The following SCUBE1 variants were observed in gnomAD, a reference collection of about 807,000 sequenced individuals.
The protein encoded by SCUBE1 is signal peptide, CUB domain and EGF like domain containing 1.
A neutral mutation model predicts 124.4 loss-of-function variants in SCUBE1; 59 were observed. That is an observed-to-expected ratio of 0.47 (90% CI 0.38 to 0.59). SCUBE1 has a LOEUF of 0.59. Ranked by LOEUF, SCUBE1 falls within the 20% of genes least tolerant of loss-of-function variation. The pLI, the probability that SCUBE1 is intolerant of heterozygous loss-of-function variation, is 0.00. For synonymous variants in SCUBE1, 545 were observed against 550.9 expected, an observed-to-expected ratio of 0.99 and a Z score of 0.15; for missense variants, 1,150 against 1,371.2, an observed-to-expected ratio of 0.84 and a Z score of 2.55.
chr22:43,217,928 A>G (rs1358048962), intron 15 of SCUBE1, among the ~76,000 whole-genome samples: 1 of 152,154 alleles, frequency 6.6e-6, no homozygotes, highest in Non-Finnish European at 1.5e-5. Flanking sequence ...CTCCTCCAGG[A>G]AGCTTCCCTG....
intron 7 of SCUBE1, chr22:43,232,122 T>C: frequency 1.9e-6 from 1 of 521,948 alleles, no homozygotes; most frequent in South Asian, 2.3e-5. Context: ...CCCCTGAGAC[T>C]TGGCAAGCCT....
chr22:43,265,686 T>A (rs939274616), intron 4 of SCUBE1, among the ~76,000 whole-genome samples: 13 of 152,202 alleles, frequency 8.5e-5, no homozygotes, highest in Non-Finnish European at 2.9e-5. Context: ...CTGACAATTA[T>A]AAAGGAGCCC....
intron 4 of SCUBE1, among the ~76,000 whole-genome samples, chr22:43,286,600 C>T (rs116730522): frequency 0.018 from 2,791 of 152,352 alleles, 95 homozygotes; most frequent in African/African-American, 0.065. Flanking sequence ...AACGTCTCTG[C>T]TGCTCAGATG....
At chr22:43,270,675 G>A (rs1242228780) in intron 4 of SCUBE1, 2 of 152,272 alleles carry the variant, frequency 1.3e-5, no homozygotes, top group African/African-American at 4.8e-5. Context: ...TCAGAGAAGT[G>A]GAGCGATTTG....
intron 3 of SCUBE1, among the ~76,000 whole-genome samples, chr22:43,296,970 G>A (rs1925585171): frequency 6.6e-6 from 1 of 152,232 alleles, no homozygotes; most frequent in Non-Finnish European, 1.5e-5. Context: ...CCTTCAGCCC[G>A]CAGAGCTGGG....
intron 6 of SCUBE1, among the ~76,000 whole-genome samples, chr22:43,241,073 G>A (rs957280719): frequency 2.2e-4 from 33 of 152,244 alleles, no homozygotes; most frequent in African/African-American, 7.7e-4. Context: ...AGACAGACCC[G>A]GCCAAACAGA....
intron 3 of SCUBE1, chr22:43,316,741 AG>A (rs1926361295): frequency 6.6e-6 from 1 of 152,302 alleles, no homozygotes; most frequent in Non-Finnish European, 1.5e-5. Flanking sequence ...ACCCCTAGGG[AG>A]TTAGCCCCGC....
At position 43,343,104 on chromosome 22, in the gene SCUBE1, C is replaced by T. The variant is rs191941574; in HGVS notation, c.88+70G>A. ...AGCTCGGGATCCGCGGGGAAGAAGC[C>T]CTCCGGGACCGCGCCTCGGCCGCCC... On this transcript the variant is annotated intron_variant, in intron 1 of 21. Coordinates refer to ENST00000360835, the MANE Select transcript of SCUBE1 (RefSeq NM_173050.5). 5,336 of 750,534 alleles carry T rather than the reference C, an allele frequency of 7.1e-3. 252 individuals are homozygous for T. In the African/African-American group the frequency reaches 0.094, roughly 13 times the overall value. 46.5% of individuals were successfully genotyped at this position (750,534 alleles called of 1,614,324 possible). A position where few individuals can be genotyped will look rare whatever the true frequency, so the allele number is the denominator to read the frequency against.
At chr22:43,337,286 A>T (rs1173478718) in intron 2 of SCUBE1, among the ~76,000 whole-genome samples, 1 of 152,168 alleles carries the variant, frequency 6.6e-6, no homozygotes, top group East Asian at 1.9e-4. Context: ...TTAGGGAAAC[A>T]GGTAAGGCCT....
At chr22:43,264,698 C>G (rs967508631) in intron 4 of SCUBE1, among the ~76,000 whole-genome samples, 2 of 152,242 alleles carry the variant, frequency 1.3e-5, no homozygotes, top group African/African-American at 4.8e-5. Flanking sequence ...CCCTGCTGTT[C>G]CAGCTTCTTC....
intron 10 of SCUBE1, among the ~76,000 whole-genome samples, chr22:43,225,086 C>T (rs1174270183): frequency 1.3e-5 from 2 of 152,116 alleles, no homozygotes; most frequent in Non-Finnish European, 2.9e-5. Flanking sequence ...ATAGCTTCTG[C>T]CACTGGTATA....
chr22:43,340,358 C>T (rs568959196), intron 1 of SCUBE1, among the ~76,000 whole-genome samples: 26 of 152,260 alleles, frequency 1.7e-4, no homozygotes, highest in African/African-American at 6.3e-4. Context: ...CCGACACTCT[C>T]TACCTCCTGC....
intron 21 of SCUBE1, among the ~76,000 whole-genome samples, chr22:43,204,685 C>A (rs1211004279): frequency 2.0e-5 from 3 of 152,018 alleles, no homozygotes; most frequent in African/African-American, 7.2e-5. Flanking sequence ...TGGCTCACAC[C>A]TGTAATCCCA....
intron 16 of SCUBE1, among the ~76,000 whole-genome samples, chr22:43,213,821 G>T (rs1049628028): frequency 2.0e-5 from 3 of 148,726 alleles, no homozygotes; most frequent in African/African-American, 7.8e-5. Flanking sequence ...AGGGCACAAT[G>T]CAATTCTGAG....
In SCUBE1 at chr22:43,211,146, G is replaced by A; in HGVS notation, c.2222-63C>T. 2.7e-6 allele frequency: 4 copies of A among 1,503,348 alleles called. No individual in the cohort carries two copies. In the South Asian group the frequency reaches 3.6e-5, roughly 13 times the overall value. The allele number at this position is 1,503,348 out of a possible 1,614,324, so 93.1% of individuals were successfully genotyped here. A position where few individuals can be genotyped will look rare whatever the true frequency, so the allele number is the denominator to read the frequency against. Reference sequence around the variant, plus strand: ...GGGTGCAGGGAAAGGGCAGCACTGGGGTGCTGTCCCCAGGACCTCTCATGC... The same window carrying A: ...GGGTGCAGGGAAAGGGCAGCACTGGAGTGCTGTCCCCAGGACCTCTCATGC... On this transcript the variant is annotated intron_variant, in intron 17 of 21. Transcript: ENST00000360835. This position sits in a 1 kb window ranked among gnomAD's most constrained non-coding sequence, Gnocchi z 4.5.
chr22:43,291,061 T>G lies in SCUBE1; in HGVS notation c.469A>C (p.Ile157Leu). ...FFLSDNQHTCIHRSNEGMNCM... is the reference protein window; with the variant it reads ...FFLSDNQHTCLHRSNEGMNCM... ...CTGTACTCACCATTGGAGCGGTGGA[T>G]GCAGGTATGCTGGTTGTCACTAAGG... The change falls in exon 4 of 22, where the codon ATC becomes CTC. Residue 157 changes from isoleucine to leucine, a missense_variant. By Grantham distance (5) the Ile-to-Leu change is conservative. This residue lies in a region of SCUBE1 where 337 missense variants were observed against 482.1 expected (regional missense o/e 0.70). Transcript: ENST00000360835. The G allele has an allele frequency of 6.2e-7, 1 of 1,610,704 alleles. No homozygotes were observed. The highest frequency in any genetic ancestry group is 8.5e-7 in the Non-Finnish European group (1 of 1,177,994).
chr22:43,243,157 C>T (rs1307983375), intron 6 of SCUBE1, among the ~76,000 whole-genome samples: 3 of 152,200 alleles, frequency 2.0e-5, no homozygotes, highest in Non-Finnish European at 2.9e-5. Flanking sequence ...TGGGAGGAGC[C>T]AGTATTTGAA....
intron 6 of SCUBE1, among the ~76,000 whole-genome samples, chr22:43,247,794 T>C (rs1232189622): frequency 6.6e-6 from 1 of 152,254 alleles, no homozygotes; most frequent in African/African-American, 2.4e-5. Context: ...GGCCTGTTTT[T>C]ACACTTGGGC....
chr22:43,254,703 AC>A (rs1406386054), intron 6 of SCUBE1, among the ~76,000 whole-genome samples: 3 of 152,138 alleles, frequency 2.0e-5, no homozygotes, highest in East Asian at 1.9e-4. Context: ...GGTCGTGACA[AC>A]CCTAGGCGAC....
Sources: gnomAD v4.1 joint callset for allele counts (sites outside exome capture counted in the v4.1 genomes callset) on GRCh38, gnomAD v4.1.1 for gene constraint, gnomAD v4.1.1 regional missense constraint, Gnocchi (gnomAD v3.1) non-coding constraint, MANE v1.5 for transcripts, NCBI Gene and HGNC (gene_info 2026-07-23, HGNC 2026-07-21) for gene names.